The following SNTB2 variants were observed in gnomAD, a reference collection of about 807,000 sequenced individuals.
SNTB2 encodes syntrophin beta 2, also known as beta-2-syntrophin.
Under a neutral mutation model 46.2 loss-of-function variants are expected in SNTB2, and 34 were observed. The observed-to-expected ratio is 0.74, with a 90% CI of 0.56 to 0.98. The LOEUF (loss-of-function observed/expected upper bound fraction) is 0.98, where lower values mean the gene tolerates loss of function less well. SNTB2 is among the 50% of genes least tolerant of loss of function. The probability of loss-of-function intolerance (pLI) is 0.00; values close to 1 mark genes in which losing one functional copy is unlikely to be tolerated. For synonymous variants in SNTB2, 290 were observed against 312.6 expected, an observed-to-expected ratio of 0.93 and a Z score of 0.76; for missense variants, 603 against 731.4, an observed-to-expected ratio of 0.82 and a Z score of 2.02.
At chr16:69,249,981 C>A (rs1334484224) in intron 2 of SNTB2, among the ~76,000 whole-genome samples, 1 of 152,056 alleles carries the variant, frequency 6.6e-6, no homozygotes, top group African/African-American at 2.4e-5. Context: ...CGCCTGTAAT[C>A]CCAGCTATTC....
chr16:69,281,021 TCTC>T (rs1965037871), intron 4 of SNTB2, among the ~76,000 whole-genome samples: 1 of 152,144 alleles, frequency 6.6e-6, no homozygotes, highest in East Asian at 1.9e-4. Flanking sequence ...ATGGTCTCGA[TCTC>T]CTGACCGTGA....
chr16:69,284,038 G>A lies in SNTB2; in HGVS notation c.1149-10G>A. The A allele has an allele frequency of 2.7e-5, 43 of 1,593,832 alleles. No individual in the cohort carries two copies. Among genetic ancestry groups the A allele is most frequent in the Non-Finnish European group, 3.7e-5 (43 of 1,167,246 alleles). On this transcript the variant is annotated splice_polypyrimidine_tract_variant and intron_variant, in intron 4 of 6. Transcript: ENST00000336278. The stretch of plus-strand genomic sequence containing the variant: ...GTTACTTTTGATCTCTGCTCTGTTT[G>A]TGGTCCTAGGTTGGTTCATTCTGGC...
rs545302836 is a variant in SNTB2 at position 69,304,666 on chromosome 16, T to TC, written c.*3744dup. 3 of 151,960 alleles carry TC rather than the reference T, an allele frequency of 2.0e-5. No homozygotes were observed. The highest frequency in any genetic ancestry group is 7.3e-5 in the African/African-American group (3 of 41,378). The allele number at this position is 151,960 out of a possible 1,614,324, so 9.4% of individuals were successfully genotyped here. A position where few individuals can be genotyped will look rare whatever the true frequency, so the allele number is the denominator to read the frequency against. The stretch of plus-strand genomic sequence containing the variant: ...ATAAACCAGAATTTGTTCTTTTTTT[T>TC]CCTTCTTTTTTTTTTGAGACAGGTT... On this transcript the variant is annotated 3_prime_UTR_variant, in exon 7 of 7. Transcript: ENST00000336278.
intron 1 of SNTB2, among the ~76,000 whole-genome samples, chr16:69,212,176 G>A (rs749828677): frequency 6.6e-6 from 1 of 151,964 alleles, no homozygotes; most frequent in Non-Finnish European, 1.5e-5. Context: ...TTGCCTCTGT[G>A]CTGTAACACT....
chr16:69,296,449 G>A (rs538017399), intron 5 of SNTB2, among the ~76,000 whole-genome samples: 4 of 149,248 alleles, frequency 2.7e-5, no homozygotes, highest in Admixed American at 2.7e-4. Flanking sequence ...GGCCGGTCGC[G>A]GTGGCTCATG....
At chr16:69,292,853 C>T (rs1003270439) in intron 5 of SNTB2, among the ~76,000 whole-genome samples, 13 of 152,072 alleles carry the variant, frequency 8.5e-5, no homozygotes, top group Non-Finnish European at 1.3e-4. Context: ...CTTCTTAGAA[C>T]GCCATCTCTA....
intron 1 of SNTB2, among the ~76,000 whole-genome samples, chr16:69,241,653 G>T (rs568707097): frequency 6.6e-6 from 1 of 151,172 alleles, no homozygotes; most frequent in South Asian, 2.1e-4. Context: ...TAACAGGTGG[G>T]GTGCAGTGGC....
In SNTB2 at chr16:69,301,315, C is replaced by T. The variant is rs576805582; in HGVS notation, c.*391C>T. ...TTCTCCCTGTAGGATTTGTGTTGTG[C>T]TTAGCCTTGATCTCTTGTTCAGAAC... is the stretch of plus-strand genomic sequence containing the variant. On this transcript the variant is annotated 3_prime_UTR_variant, in exon 7 of 7. Transcript: ENST00000336278. 1 of 189,284 alleles carries T rather than the reference C, an allele frequency of 5.3e-6. No individual in the cohort carries two copies. Among genetic ancestry groups the T allele is most frequent in the East Asian group, 1.2e-4 (1 of 8,034 alleles). 11.7% of individuals were successfully genotyped at this position (189,284 alleles called of 1,614,324 possible).
chr16:69,255,792 C>T (rs1423548492), intron 2 of SNTB2, among the ~76,000 whole-genome samples: 1 of 150,790 alleles, frequency 6.6e-6, no homozygotes, highest in East Asian at 2.0e-4. Flanking sequence ...GCAGGAGAAT[C>T]GCTTAAACCA....
rs905843117 is a variant in SNTB2, at chr16:69,218,665, C to A, written c.581-26937C>A. Among the ~76,000 whole-genome samples, 3 of 152,208 alleles carry A rather than the reference C, an allele frequency of 2.0e-5. No homozygotes were observed. In the East Asian group the frequency reaches 5.8e-4, roughly 29 times the overall value. ...CTTGATCTCCTGACCTCGTGATCCA[C>A]CTGCCTCGGCCTCCCAAAGTGCTGG... On this transcript the variant is annotated intron_variant, in intron 1 of 6. Transcript: ENST00000336278.
intron 2 of SNTB2, among the ~76,000 whole-genome samples, chr16:69,255,925 C>T (rs1964771417): frequency 1.3e-5 from 2 of 150,484 alleles, no homozygotes; most frequent in Admixed American, 6.6e-5. Context: ...CAGTGGCTCA[C>T]GCCTGTAATC....
chr16:69,269,314 C>T (rs1267498620), intron 3 of SNTB2, among the ~76,000 whole-genome samples: 1 of 151,468 alleles, frequency 6.6e-6, no homozygotes, highest in African/African-American at 2.4e-5. Context: ...GTCAGGAGAT[C>T]GAGACCATCC....
chr16:69,281,160 A>G (rs1360861690), intron 4 of SNTB2, among the ~76,000 whole-genome samples: 1 of 150,726 alleles, frequency 6.6e-6, no homozygotes, highest in African/African-American at 2.4e-5. Flanking sequence ...CAACTTACCA[A>G]TTTTTTTCTT....
intron 1 of SNTB2, among the ~76,000 whole-genome samples, chr16:69,227,837 C>A (rs1964473093): frequency 1.5e-5 from 2 of 132,334 alleles, no homozygotes; most frequent in African/African-American, 5.5e-5. Context: ...TGCTGTTTCT[C>A]TGGATTTTTT....
At chr16:69,284,277 A>G in intron 5 of SNTB2, 33 bp downstream of exon 5, 1 of 1,550,550 alleles carries the variant, frequency 6.4e-7, no homozygotes. Flanking sequence ...TCTAGTAGTA[A>G]TTAAATAGAA....
chr16:69,259,512 G>T (rs767504404), intron 2 of SNTB2, among the ~76,000 whole-genome samples: 4 of 151,648 alleles, frequency 2.6e-5, no homozygotes, highest in African/African-American at 7.3e-5. Flanking sequence ...TGAGATTACC[G>T]GAGTGAGCCA....
At chr16:69,197,373 T>C (rs1005208270) in intron 1 of SNTB2, among the ~76,000 whole-genome samples, 1 of 152,154 alleles carries the variant, frequency 6.6e-6, no homozygotes, top group African/African-American at 2.4e-5. Flanking sequence ...GAGCAAAGAC[T>C]GGAACAAGCA....
chr16:69,290,590 TC>T (rs35992412), intron 5 of SNTB2, among the ~76,000 whole-genome samples: 22,089 of 152,238 alleles, frequency 0.15, 1,785 homozygotes, highest in Middle Eastern at 0.24. Context: ...TCCTTTTTAC[TC>T]ATCGGTTTGG....
intron 1 of SNTB2, chr16:69,240,733 T>C (rs1032256560): frequency 2.0e-5 from 3 of 152,248 alleles, no homozygotes; most frequent in African/African-American, 7.2e-5. Context: ...ATAACGATTA[T>C]ATGAGAAGTT....
Sources: gnomAD v4.1 joint callset for allele counts (sites outside exome capture counted in the v4.1 genomes callset) on GRCh38, gnomAD v4.1.1 for gene constraint, MANE v1.5 for transcripts, NCBI Gene and HGNC (gene_info 2026-07-23, HGNC 2026-07-21) for gene names.